The following PXDNL variants were observed in gnomAD, a reference collection of about 807,000 sequenced individuals.
The protein encoded by PXDNL is peroxidasin like.
In PXDNL, 145 loss-of-function variants were observed where a neutral mutation model predicts 150.8. The observed-to-expected ratio is 0.96, with a 90% confidence interval of 0.84 to 1.10. The LOEUF is 1.10. Among genes scored for constraint, PXDNL ranks in the 50% least tolerant of loss-of-function variants. The probability of loss-of-function intolerance (pLI) is 0.00; values close to 1 mark genes in which losing one functional copy is unlikely to be tolerated. For synonymous variants in PXDNL, 757 were observed against 725.7 expected (o/e 1.04, Z -0.69); for missense variants, 2,087 against 1,873.9 (o/e 1.11, Z -2.10).
chr8:51,344,590 G>A (rs575703151), intron 20 of PXDNL, among the ~76,000 whole-genome samples: 85 of 152,266 alleles, frequency 5.6e-4, no homozygotes, highest in Admixed American at 1.6e-3. Flanking sequence ...CTCACTCCAT[G>A]ATTGGATTTC....
chr8:51,431,381 A>G (rs543012320), intron 12 of PXDNL, among the ~76,000 whole-genome samples: 1 of 152,332 alleles, frequency 6.6e-6, no homozygotes, highest in Admixed American at 6.5e-5. Context: ...CTTCGAAAAC[A>G]AAAACATTCT....
At chr8:51,374,125 A>AG (rs1168571157) in intron 18 of PXDNL, among the ~76,000 whole-genome samples, 1 of 152,228 alleles carries the variant, frequency 6.6e-6, no homozygotes, top group Non-Finnish European at 1.5e-5. Flanking sequence ...TAGGGTCATC[A>AG]GGTCTTCCTC....
chr8:51,657,590 G>A (rs1815178343), intron 1 of PXDNL, among the ~76,000 whole-genome samples: 1 of 152,170 alleles, frequency 6.6e-6, no homozygotes, highest in Non-Finnish European at 1.5e-5. Context: ...AAATATGCAT[G>A]CATGTCTCCT....
At chr8:51,378,983 C>G (rs967928763) in intron 17 of PXDNL, among the ~76,000 whole-genome samples, 1 of 152,230 alleles carries the variant, frequency 6.6e-6, no homozygotes, top group Non-Finnish European at 1.5e-5. Context: ...CACACAATCA[C>G]AGCTCACTGT....
intron 4 of PXDNL, among the ~76,000 whole-genome samples, chr8:51,539,096 A>G (rs867465121): frequency 1.3e-5 from 2 of 152,236 alleles, no homozygotes; most frequent in Non-Finnish European, 1.5e-5. Context: ...GAAATTCACC[A>G]AGGGTCTTTC....
At chr8:51,426,578 T>C (rs1809106209) in intron 13 of PXDNL, 68 bp downstream of exon 13, 2 of 840,188 alleles carry the variant, frequency 2.4e-6, no homozygotes, top group African/African-American at 3.4e-5. Flanking sequence ...AATCATTACC[T>C]CCATTTCAGT....
chr8:51,656,349 CT>C (rs1439889671), intron 1 of PXDNL, among the ~76,000 whole-genome samples: 1 of 152,088 alleles, frequency 6.6e-6, no homozygotes, highest in African/African-American at 2.4e-5. Context: ...GTGACTATAC[CT>C]CCTTGCTAAA....
chr8:51,630,619 G>A (rs1409298006), intron 2 of PXDNL, among the ~76,000 whole-genome samples: 2 of 152,014 alleles, frequency 1.3e-5, no homozygotes, highest in Middle Eastern at 3.2e-3. Flanking sequence ...TTAAAAAGTA[G>A]GCAAGGGACA....
chr8:51,321,063 A>C (rs903025007), intron 21 of PXDNL, 166 bp from the exon 22 acceptor site: 1 of 583,300 alleles, frequency 1.7e-6, no homozygotes, highest in Non-Finnish European at 3.0e-6. Flanking sequence ...GGACTTAATG[A>C]GCTTGAATCA....
At chr8:51,410,051 T>C (rs1323614719) in intron 16 of PXDNL, among the ~76,000 whole-genome samples, 1 of 152,222 alleles carries the variant, frequency 6.6e-6, no homozygotes, top group Non-Finnish European at 1.5e-5. Context: ...TTTTTGTTTG[T>C]TTCATTTCAG....
intron 1 of PXDNL, among the ~76,000 whole-genome samples, chr8:51,750,360 A>G (rs923516112): frequency 6.6e-6 from 1 of 152,192 alleles, no homozygotes; most frequent in African/African-American, 2.4e-5. Flanking sequence ...TCTCTATGAT[A>G]ACAATGCCTC....
intron 1 of PXDNL, among the ~76,000 whole-genome samples, chr8:51,720,926 C>T (rs372586051): frequency 2.0e-5 from 3 of 152,242 alleles, no homozygotes; most frequent in South Asian, 2.1e-4. Flanking sequence ...CTGACACAGA[C>T]GCTCGATCGC....
intron 20 of PXDNL, among the ~76,000 whole-genome samples, chr8:51,342,660 A>T (rs1040171527): frequency 2.0e-5 from 3 of 152,174 alleles, no homozygotes; most frequent in African/African-American, 7.2e-5. Context: ...AGCTGTGTAA[A>T]GAGAATCCCA....
intron 4 of PXDNL, among the ~76,000 whole-genome samples, chr8:51,553,178 A>T (rs1212704472): frequency 6.6e-6 from 1 of 152,246 alleles, no homozygotes; most frequent in Non-Finnish European, 1.5e-5. Context: ...GGCCTCAAGC[A>T]GCCCAAGCCC....
chr8:51,321,222 C>A (rs7831431), intron 21 of PXDNL: 62,406 of 198,978 alleles, frequency 0.31, 11,763 homozygotes, highest in African/African-American at 0.56. Context: ...AATAAGCACA[C>A]TTGTAAATTC....
At chr8:51,771,160 G>A (rs2037288914) in intron 1 of PXDNL, among the ~76,000 whole-genome samples, 1 of 152,098 alleles carries the variant, frequency 6.6e-6, no homozygotes, top group African/African-American at 2.4e-5. Flanking sequence ...AATATGTCCA[G>A]CCAAATTCAC....
chr8:51,500,686 C>T (rs1027896258), intron 4 of PXDNL, among the ~76,000 whole-genome samples: 2 of 152,148 alleles, frequency 1.3e-5, no homozygotes, highest in African/African-American at 2.4e-5. Flanking sequence ...ACTGCAGATA[C>T]AAAGTTTCCA....
intron 1 of PXDNL, among the ~76,000 whole-genome samples, chr8:51,717,851 G>A (rs1320456684): frequency 6.6e-6 from 1 of 152,198 alleles, no homozygotes; most frequent in Non-Finnish European, 1.5e-5. Flanking sequence ...AACGAGAATG[G>A]ATGCTGGGCA....
chr8:51,403,326 G>A (rs1454279700), intron 17 of PXDNL, among the ~76,000 whole-genome samples: 3 of 152,248 alleles, frequency 2.0e-5, no homozygotes, highest in Admixed American at 2.0e-4. Context: ...TCTGGCAAAT[G>A]CTGTGGTCTG....
Sources: allele counts gnomAD v4.1 joint callset (sites outside exome capture counted in the v4.1 genomes callset), GRCh38; gene constraint gnomAD v4.1.1; transcripts MANE v1.5; gene names NCBI Gene and HGNC (gene_info 2026-07-23, HGNC 2026-07-21).